The following ADAMTS19 variants were observed in gnomAD, a reference collection of about 807,000 sequenced individuals.
ADAMTS19 encodes ADAM metallopeptidase with thrombospondin type 1 motif 19, also known as A disintegrin and metalloproteinase with thrombospondin motifs 19.
A neutral mutation model predicts 153.3 loss-of-function variants in ADAMTS19; 93 were observed. That is an observed-to-expected ratio of 0.61 (90% CI 0.51 to 0.72). ADAMTS19 has a LOEUF of 0.72. Among genes scored for constraint, ADAMTS19 ranks in the 30% least tolerant of loss-of-function variants. ADAMTS19 has a pLI of 0.00. For synonymous variants in ADAMTS19, 600 were observed against 556.6 expected, an observed-to-expected ratio of 1.08 and a Z score of -1.10; for missense variants, 1,482 against 1,552.1, an observed-to-expected ratio of 0.95 and a Z score of 0.76.
At chr5:129,497,422 G>A (rs764495553) in intron 2 of ADAMTS19, among the ~76,000 whole-genome samples, 2 of 151,836 alleles carry the variant, frequency 1.3e-5, no homozygotes, top group South Asian at 2.1e-4. Flanking sequence ...CATTATTTTG[G>A]CAACTGCCAG....
chr5:129,514,851 G>C (rs1751547116), intron 3 of ADAMTS19, among the ~76,000 whole-genome samples: 1 of 151,996 alleles, frequency 6.6e-6, no homozygotes, highest in South Asian at 2.1e-4. Flanking sequence ...TATTACTCAA[G>C]AAATCTTTGC....
Position 129,509,129 on chromosome 5 carries a change from A to T in ADAMTS19, c.800A>T (p.Asp267Val). The T allele has an allele frequency of 6.2e-7, 1 of 1,611,952 alleles. No homozygotes were observed. The highest frequency in any genetic ancestry group is 1.7e-5 in the Admixed American group (1 of 59,776). The stretch of plus-strand genomic sequence containing the variant: ...TTCATATTTATTGAGCCACTCAATG[A>T]TACAATGGCCATAACAGGTCACCCA... ...EDFIFIEPLN[D>V]TMAITGHPHR... Residue 267 changes from aspartate to valine, a missense_variant, in exon 3 of 23, where the codon GAT becomes GTT. By Grantham distance (152) the Asp-to-Val change is radical (BLOSUM62 -3). This residue lies in a region of ADAMTS19 where 866 missense variants were observed against 827.7 expected (regional missense o/e 1.05). Transcript: ENST00000274487.
At chr5:129,685,154 T>C (rs941690608) in intron 18 of ADAMTS19, among the ~76,000 whole-genome samples, 8 of 152,092 alleles carry the variant, frequency 5.3e-5, no homozygotes, top group Admixed American at 1.3e-4. Context: ...AAAGAATATA[T>C]GGATATTTTT....
At position 129,704,705 on chromosome 5, in the gene ADAMTS19, T is replaced by C. The variant is rs535327567; in HGVS notation, c.3312+314T>C. Among the ~76,000 whole-genome samples the C allele has an allele frequency of 9.2e-5, 14 of 152,280 alleles. No homozygotes were observed. In the South Asian group the frequency reaches 2.1e-3, roughly 23 times the overall value. ...CAGAATATTGTTGCATAAAACTATC[T>C]AAACAAATAGAATACTGTCAGACAA... On this transcript the variant is annotated intron_variant, in intron 21 of 22. Coordinates refer to ENST00000274487, the MANE Select transcript of ADAMTS19 (RefSeq NM_133638.6).
intron 8 of ADAMTS19, among the ~76,000 whole-genome samples, chr5:129,613,787 A>G: frequency 6.6e-6 from 1 of 152,168 alleles, no homozygotes; most frequent in East Asian, 1.9e-4. Flanking sequence ...ATAGACTGCT[A>G]GCGAGACTAA....
At chr5:129,593,245 T>C (rs1214219701) in intron 7 of ADAMTS19, among the ~76,000 whole-genome samples, 1 of 152,180 alleles carries the variant, frequency 6.6e-6, no homozygotes, top group Non-Finnish European at 1.5e-5. Flanking sequence ...CTGTGATTGA[T>C]CTTGATTCTC....
intron 7 of ADAMTS19, among the ~76,000 whole-genome samples, chr5:129,584,079 C>T (rs1749665540): frequency 1.3e-5 from 2 of 152,122 alleles, no homozygotes. Flanking sequence ...ATGTTGATGA[C>T]CTTCAGATGG....
At chr5:129,472,380 T>G (rs746901335) in intron 2 of ADAMTS19, among the ~76,000 whole-genome samples, 1 of 152,220 alleles carries the variant, frequency 6.6e-6, no homozygotes, top group African/African-American at 2.4e-5. Context: ...CCTAAGGATC[T>G]TGCATGAATT....
In ADAMTS19 at chr5:129,526,460, G is replaced by A. The variant is rs1488235279; in HGVS notation, c.1086+4G>A. 3 of 1,584,522 alleles carry A rather than the reference G, an allele frequency of 1.9e-6. No individual in the cohort carries two copies. In the Admixed American group the frequency reaches 5.7e-5, roughly 30 times the overall value. On this transcript the variant is annotated splice_donor_region_variant and intron_variant, in intron 4 of 22. Coordinates refer to ENST00000274487, the MANE Select transcript of ADAMTS19 (RefSeq NM_133638.6). ...CATTCTAACCATCTTAAATATGGTA[G>A]GCAAACTTTAAAGTGCGCTTGGAAT...
chr5:129,507,599 G>A (rs1009120276), intron 2 of ADAMTS19, among the ~76,000 whole-genome samples: 1 of 151,454 alleles, frequency 6.6e-6, no homozygotes. Flanking sequence ...TATTTTAAAG[G>A]TTCATTAGAG....
intron 6 of ADAMTS19, among the ~76,000 whole-genome samples, chr5:129,533,212 T>C (rs1752277257): frequency 6.6e-6 from 1 of 152,132 alleles, no homozygotes; most frequent in Non-Finnish European, 1.5e-5. Flanking sequence ...GTGTGACAAA[T>C]GTTCCCACCT....
At chr5:129,613,001 T>C (rs951351680) in intron 8 of ADAMTS19, among the ~76,000 whole-genome samples, 2 of 152,120 alleles carry the variant, frequency 1.3e-5, no homozygotes, top group African/African-American at 4.8e-5. Flanking sequence ...CCTAAATATA[T>C]ATGCACCCAA....
At position 129,466,067 on chromosome 5, in the gene ADAMTS19, A is replaced by G. The variant is rs147788262; in HGVS notation, c.747+4310A>G. On this transcript the variant is annotated intron_variant, in intron 2 of 22. Transcript: ENST00000274487. ...CAGGATTTCTTTTTTCTGTTATCCCATTCTGCCAAGCACCGGAAGCCACAT... is the reference window on the plus strand; with the variant it reads ...CAGGATTTCTTTTTTCTGTTATCCCGTTCTGCCAAGCACCGGAAGCCACAT... Among the ~76,000 whole-genome samples the G allele has an allele frequency of 5.1e-3, 778 of 152,310 alleles. 3 individuals are homozygous for G. Among genetic ancestry groups the G allele is most frequent in the Non-Finnish European group, 8.5e-3 (581 of 68,022 alleles).
At chr5:129,702,948 A>AAT in intron 20 of ADAMTS19, among the ~76,000 whole-genome samples, 1 of 24,866 alleles carries the variant, frequency 4.0e-5, no homozygotes, top group South Asian at 1.3e-3. Context: ...AAAAATATAT[A>AAT]TATATATATA....
chr5:129,662,987 C>T (rs903560574), intron 15 of ADAMTS19, among the ~76,000 whole-genome samples: 17 of 150,480 alleles, frequency 1.1e-4, no homozygotes, highest in African/African-American at 3.5e-4. Flanking sequence ...TTCTGCCTCC[C>T]GGGTTCAAGC....
intron 10 of ADAMTS19, among the ~76,000 whole-genome samples, chr5:129,634,073 A>G (rs1752426592): frequency 6.6e-6 from 1 of 152,154 alleles, no homozygotes; most frequent in Non-Finnish European, 1.5e-5. Context: ...TAATGTCAGG[A>G]CACAATAGTG....
Position 129,704,225 on chromosome 5 carries a change from A to T in ADAMTS19, c.3160-14A>T, listed in dbSNP as rs747116534. The T allele has an allele frequency of 8.7e-6, 14 of 1,609,328 alleles. No homozygotes were observed. Among genetic ancestry groups the T allele is most frequent in the South Asian group, 6.6e-5 (6 of 90,434 alleles). ...TCACCAACTTTATCTAAAACCTCTG[A>T]TGTTATCTTCCAGTGTTCAGTCAAG... On this transcript the variant is annotated splice_polypyrimidine_tract_variant and intron_variant, in intron 20 of 22. Transcript: ENST00000274487.
intron 2 of ADAMTS19, among the ~76,000 whole-genome samples, chr5:129,503,433 A>T (rs10075332): frequency 0.047 from 7,129 of 152,332 alleles, 207 homozygotes; most frequent in African/African-American, 0.079. Context: ...TAAGAAAAAC[A>T]TGAGGTATTA....
chr5:129,548,973 C>T lies in ADAMTS19; in HGVS notation c.1329-2891C>T, dbSNP rs545412491. Among the ~76,000 whole-genome samples, 578 of 132,928 alleles carry T rather than the reference C, an allele frequency of 4.3e-3. 5 individuals are homozygous for T. The highest frequency in any genetic ancestry group is 0.016 in the African/African-American group (560 of 34,694). The allele number at this position is 132,928 out of a possible 152,430, so 87.2% of individuals were successfully genotyped here. Reference sequence around the variant, plus strand: ...TTCTCACTCATAGATGGGAATTGAACAATGAGAACACATGGACACAGGAAG... The same window carrying T: ...TTCTCACTCATAGATGGGAATTGAATAATGAGAACACATGGACACAGGAAG... On this transcript the variant is annotated intron_variant, in intron 6 of 22. Coordinates refer to ENST00000274487, the MANE Select transcript of ADAMTS19 (RefSeq NM_133638.6).
Sources: allele counts gnomAD v4.1 joint callset (sites outside exome capture counted in the v4.1 genomes callset), GRCh38; gene constraint gnomAD v4.1.1; regional missense constraint gnomAD v4.1.1; transcripts MANE v1.5; gene names NCBI Gene and HGNC (gene_info 2026-07-23, HGNC 2026-07-21).